The following PRKAR2A variants were observed in gnomAD, a reference collection of about 807,000 sequenced individuals.
PRKAR2A encodes the protein protein kinase cAMP-dependent type II regulatory subunit alpha, also known as cAMP-dependent protein kinase type II-alpha regulatory subunit.
Under a neutral mutation model 51.9 loss-of-function variants are expected in PRKAR2A, and 29 were observed. The ratio of observed to expected loss-of-function variants is 0.56; its 90% CI spans 0.42 to 0.76. PRKAR2A has a LOEUF of 0.76. PRKAR2A is among the 30% of genes least tolerant of loss of function. The pLI is 0.00. For synonymous variants in PRKAR2A, 178 were observed against 186.2 expected (o/e 0.96, Z 0.36); for missense variants, 445 against 512.1 (o/e 0.87, Z 1.26).
chr3:48,837,373 G>C (rs1440632058), intron 1 of PRKAR2A, among the ~76,000 whole-genome samples: 1 of 152,144 alleles, frequency 6.6e-6, no homozygotes, highest in African/African-American at 2.4e-5. Context: ...AGTCATTAGA[G>C]AAATGCAAAT....
chr3:48,818,988 C>G (rs1268245209), intron 1 of PRKAR2A, among the ~76,000 whole-genome samples: 2 of 151,872 alleles, frequency 1.3e-5, no homozygotes, highest in African/African-American at 4.8e-5. Flanking sequence ...TATTCTGCCA[C>G]GTATACCCTG....
intron 2 of PRKAR2A, among the ~76,000 whole-genome samples, chr3:48,801,994 C>G (rs777652724): frequency 6.6e-6 from 1 of 152,134 alleles, no homozygotes; most frequent in Non-Finnish European, 1.5e-5. Flanking sequence ...ACTGCAAACT[C>G]TGCCTCCCGG....
At chr3:48,803,954 ACT>A (rs2082629579) in intron 2 of PRKAR2A, among the ~76,000 whole-genome samples, 1 of 152,012 alleles carries the variant, frequency 6.6e-6, no homozygotes, top group Non-Finnish European at 1.5e-5. Flanking sequence ...ACAAGGCAAG[ACT>A]CTGTCTCAAA....
Position 48,764,990 on chromosome 3 carries a change from A to C in PRKAR2A, c.873+14T>G. Reference sequence around the variant, plus strand: ...TGACTTCCAGGAAAGGAGCTGCGTAAAGCCCTCACTCACCTGAGTGATTAT... The same window carrying C: ...TGACTTCCAGGAAAGGAGCTGCGTACAGCCCTCACTCACCTGAGTGATTAT... On this transcript the variant is annotated intron_variant, in intron 8 of 10. Transcript: ENST00000265563. 6.2e-7 allele frequency: 1 copy of C among 1,611,230 alleles called. No homozygotes were observed. The highest frequency in any genetic ancestry group is 8.5e-7 in the Non-Finnish European group (1 of 1,177,504).
intron 1 of PRKAR2A, among the ~76,000 whole-genome samples, chr3:48,845,782 A>G (rs950948227): frequency 1.3e-5 from 2 of 152,134 alleles, no homozygotes; most frequent in East Asian, 1.9e-4. Flanking sequence ...CCCCGTCTCT[A>G]TAAAACACTT....
intron 6 of PRKAR2A, among the ~76,000 whole-genome samples, chr3:48,770,315 G>A (rs1314269308): frequency 6.6e-6 from 1 of 152,134 alleles, no homozygotes; most frequent in East Asian, 1.9e-4. Flanking sequence ...TGTGACTGCA[G>A]GAATTTCCCA....
intron 1 of PRKAR2A, among the ~76,000 whole-genome samples, chr3:48,841,690 G>A (rs1281626041): frequency 6.6e-6 from 1 of 151,916 alleles, no homozygotes; most frequent in Non-Finnish European, 1.5e-5. Flanking sequence ...ACATTCCCAT[G>A]AGTAATGCAC....
rs1168217616 is a variant in PRKAR2A at position 48,768,330 on chromosome 3, T to TAGATAGATAGATAGATAGATAGACAGAC, written c.697-2982_697-2981insGTCTGTCTATCTATCTATCTATCTATCT. On this transcript the variant is annotated intron_variant, in intron 6 of 10. Coordinates refer to ENST00000265563, the MANE Select transcript of PRKAR2A (RefSeq NM_004157.4). ...ATAGATAGATAGATAGATAGATAGA[T>TAGATAGATAGATAGATAGATAGACAGAC]AGATAGATAGATATAGACAGACAGA... 4.0e-5 allele frequency among the ~76,000 whole-genome samples: 6 copies of TAGATAGATAGATAGATAGATAGACAGAC among 150,742 alleles called. 1 individual carries two copies. The highest frequency in any genetic ancestry group is 1.2e-4 in the African/African-American group (5 of 41,002).
At chr3:48,757,701 T>C (rs990668937) in intron 8 of PRKAR2A, among the ~76,000 whole-genome samples, 1 of 152,068 alleles carries the variant, frequency 6.6e-6, no homozygotes, top group African/African-American at 2.4e-5. Context: ...GGGGGGTGGA[T>C]TGCTTGAGGC....
chr3:48,785,480 G>A (rs899224190), intron 4 of PRKAR2A, among the ~76,000 whole-genome samples: 2 of 152,140 alleles, frequency 1.3e-5, no homozygotes, highest in African/African-American at 4.8e-5. Flanking sequence ...GGCTGGTCTT[G>A]AACTCCTGAC....
intron 1 of PRKAR2A, among the ~76,000 whole-genome samples, chr3:48,828,217 G>A (rs373088701): frequency 3.2e-4 from 49 of 152,124 alleles, no homozygotes; most frequent in African/African-American, 1.2e-3. Flanking sequence ...GAAATTAGGT[G>A]TTCCTATGTT....
chr3:48,803,670 C>T (rs2082625798), intron 2 of PRKAR2A, among the ~76,000 whole-genome samples: 1 of 152,160 alleles, frequency 6.6e-6, no homozygotes, highest in Admixed American at 6.5e-5. Context: ...AGGTGATCCA[C>T]TCGCCTCAGT....
chr3:48,831,852 T>C (rs2083193201), intron 1 of PRKAR2A, among the ~76,000 whole-genome samples: 1 of 151,968 alleles, frequency 6.6e-6, no homozygotes, highest in South Asian at 2.1e-4. Flanking sequence ...CCTGATCTCA[T>C]GTGATCCCAC....
intron 6 of PRKAR2A, among the ~76,000 whole-genome samples, chr3:48,765,684 A>AC (rs1553665568): frequency 7.7e-6 from 1 of 129,906 alleles, no homozygotes; most frequent in Non-Finnish European, 1.5e-5. Flanking sequence ...AGATCATGTC[A>AC]CTGCACTCCA....
intron 1 of PRKAR2A, among the ~76,000 whole-genome samples, chr3:48,821,179 G>A (rs1403918702): frequency 1.3e-5 from 2 of 152,172 alleles, no homozygotes; most frequent in Non-Finnish European, 2.9e-5. Flanking sequence ...ATCAGAGCAA[G>A]GAGTGGTGGG....
At chr3:48,839,787 C>A (rs1186343725) in intron 1 of PRKAR2A, among the ~76,000 whole-genome samples, 2 of 151,970 alleles carry the variant, frequency 1.3e-5, no homozygotes, top group Admixed American at 6.6e-5. Flanking sequence ...TGAAACATAT[C>A]CTATTTCTAA....
chr3:48,842,675 G>A (rs2107469970), intron 1 of PRKAR2A, among the ~76,000 whole-genome samples: 1 of 152,264 alleles, frequency 6.6e-6, no homozygotes, highest in South Asian at 2.1e-4. Context: ...AGATAATCAT[G>A]TGGTTTTTGT....
At chr3:48,760,170 A>G (rs2081842129) in intron 8 of PRKAR2A, among the ~76,000 whole-genome samples, 1 of 152,166 alleles carries the variant, frequency 6.6e-6, no homozygotes, top group Non-Finnish European at 1.5e-5. Flanking sequence ...CATGGCCAAC[A>G]GGCAAAAACC....
At chr3:48,824,216 GGAC>G (rs762453419) in intron 1 of PRKAR2A, among the ~76,000 whole-genome samples, 1 of 152,090 alleles carries the variant, frequency 6.6e-6, no homozygotes, top group Non-Finnish European at 1.5e-5. Context: ...ACTCCAGCCT[GGAC>G]GACAAGAGCA....
Sources: allele counts gnomAD v4.1 joint callset (sites outside exome capture counted in the v4.1 genomes callset), GRCh38; gene constraint gnomAD v4.1.1; transcripts MANE v1.5; gene names NCBI Gene and HGNC (gene_info 2026-07-23, HGNC 2026-07-21).